Variants in CADPS observed in about 807,000 individuals in gnomAD.
The protein encoded by CADPS is calcium dependent secretion activator, also known as calcium-dependent secretion activator 1.
In CADPS, 57 loss-of-function variants were observed where a neutral mutation model predicts 167.3. That is an observed-to-expected ratio of 0.34 (90% CI 0.28 to 0.42). The LOEUF (loss-of-function observed/expected upper bound fraction) is 0.42. CADPS is among the 20% of genes least tolerant of loss of function. The probability of loss-of-function intolerance (pLI) is 1.00; values close to 1 mark genes in which losing one functional copy is unlikely to be tolerated. For synonymous variants in CADPS, 676 were observed against 635.3 expected, an observed-to-expected ratio of 1.06 and a Z score of -0.96; for missense variants, 1,414 against 1,738.1, an observed-to-expected ratio of 0.81 and a Z score of 3.32.
At chr3:62,604,591 A>G (rs1330670809) in intron 6 of CADPS, among the ~76,000 whole-genome samples, 2 of 152,260 alleles carry the variant, frequency 1.3e-5, no homozygotes, top group Non-Finnish European at 2.9e-5. Context: ...ACAGGATGGC[A>G]TAGTGAGGAA....
At chr3:62,584,436 C>T (rs2084123128) in intron 8 of CADPS, among the ~76,000 whole-genome samples, 1 of 152,194 alleles carries the variant, frequency 6.6e-6, no homozygotes, top group Non-Finnish European at 1.5e-5. Context: ...CAGTTGGCAG[C>T]GTACCTGCAG....
intron 18 of CADPS, among the ~76,000 whole-genome samples, chr3:62,493,957 T>C (rs2064182586): frequency 6.6e-6 from 1 of 152,224 alleles, no homozygotes. Flanking sequence ...GTGTAAACGT[T>C]TTTTAAGCAT....
chr3:62,637,945 C>A (rs74531243), intron 6 of CADPS, among the ~76,000 whole-genome samples: 1 of 152,010 alleles, frequency 6.6e-6, no homozygotes, highest in Admixed American at 6.6e-5. Flanking sequence ...ACTGAATCAA[C>A]GTTAATGATC....
At chr3:62,825,331 G>A (rs955874958) in intron 1 of CADPS, among the ~76,000 whole-genome samples, 3 of 152,022 alleles carry the variant, frequency 2.0e-5, no homozygotes, top group Non-Finnish European at 2.9e-5. Flanking sequence ...AATCATAAAC[G>A]GGATCCCAAA....
intron 21 of CADPS, among the ~76,000 whole-genome samples, chr3:62,485,045 C>A (rs962342396): frequency 2.6e-5 from 4 of 151,906 alleles, no homozygotes; most frequent in Admixed American, 2.6e-4. Context: ...ATCACCCTGC[C>A]CCACAACTTC....
At chr3:62,510,526 T>A (rs891134119) in intron 17 of CADPS, among the ~76,000 whole-genome samples, 1 of 152,182 alleles carries the variant, frequency 6.6e-6, no homozygotes, top group East Asian at 1.9e-4. Context: ...TTTTCTTTCA[T>A]AGACTAGCAG....
chr3:62,550,123 A>G lies in CADPS; in HGVS notation c.1754-8T>C, dbSNP rs376660491. ...CTCGGCCACCCTCCAAACCTGGAAG[A>G]AAAGGGAGTAACAACTTCTACTAAG... On this transcript the variant is annotated splice_polypyrimidine_tract_variant and splice_region_variant and intron_variant, in intron 10 of 29. Coordinates refer to ENST00000383710, the MANE Select transcript of CADPS (RefSeq NM_003716.4). 1.6e-5 allele frequency: 26 copies of G among 1,608,754 alleles called. No homozygotes were observed. Among genetic ancestry groups the G allele is most frequent in the Admixed American group, 3.3e-5 (2 of 59,984 alleles).
chr3:62,854,683 A>G (rs1031961962), intron 1 of CADPS, among the ~76,000 whole-genome samples: 2 of 152,224 alleles, frequency 1.3e-5, no homozygotes, highest in Admixed American at 6.5e-5. Context: ...GTAAGTAACA[A>G]GAAGTTCTAT....
chr3:62,659,861 C>T (rs1388180175), intron 4 of CADPS, among the ~76,000 whole-genome samples: 1 of 152,178 alleles, frequency 6.6e-6, no homozygotes, highest in African/African-American at 2.4e-5. Flanking sequence ...TCTGAAAGAA[C>T]AGGAGACAGT....
intron 22 of CADPS, among the ~76,000 whole-genome samples, chr3:62,479,683 G>A (rs1032513752): frequency 1.3e-5 from 2 of 152,244 alleles, no homozygotes; most frequent in Non-Finnish European, 2.9e-5. Flanking sequence ...TATCTGACAC[G>A]ATGGAGCAGG....
At chr3:62,474,061 G>A (rs2060946164) in intron 24 of CADPS, 112 bp downstream of exon 24, 1 of 687,498 alleles carries the variant, frequency 1.5e-6, no homozygotes, top group Non-Finnish European at 2.3e-6. Flanking sequence ...AAATGTTAGA[G>A]TGTATTTCTG....
intron 9 of CADPS, among the ~76,000 whole-genome samples, chr3:62,569,204 G>C (rs1043133699): frequency 3.3e-5 from 5 of 152,150 alleles, no homozygotes; most frequent in African/African-American, 1.2e-4. Flanking sequence ...TGGTTCAAGT[G>C]ATTCTTCTGC....
Position 62,557,386 on chromosome 3 carries a change from C to CT in CADPS, c.1753+18dup. The CT allele has an allele frequency of 6.3e-7, 1 of 1,578,118 alleles. No individual in the cohort carries two copies. The highest frequency in any genetic ancestry group is 8.7e-7 in the Non-Finnish European group (1 of 1,147,190). On this transcript the variant is annotated intron_variant, in intron 10 of 29. Transcript: ENST00000383710. ...GGTTGAGGGTTTGTGGGCTCGTGGC[C>CT]TTGAGGGTCGGTGGGTACCTGGCTG... is the stretch of plus-strand genomic sequence containing the variant.
chr3:62,498,860 G>T (rs902548797), intron 18 of CADPS, among the ~76,000 whole-genome samples: 7 of 128,078 alleles, frequency 5.5e-5, no homozygotes, highest in Non-Finnish European at 3.7e-5. Context: ...AATATTTTGT[G>T]TTCTGGACAA....
intron 1 of CADPS, among the ~76,000 whole-genome samples, chr3:62,867,801 T>G (rs980545888): frequency 6.6e-6 from 1 of 151,814 alleles, no homozygotes; most frequent in Non-Finnish European, 1.5e-5. Context: ...AGATATTATT[T>G]TAACAGCTTT....
chr3:62,657,810 T>G (rs765972251), intron 4 of CADPS, among the ~76,000 whole-genome samples: 1 of 152,024 alleles, frequency 6.6e-6, no homozygotes, highest in African/African-American at 2.4e-5. Flanking sequence ...CTCCCTTCCC[T>G]CCTAGGAAGA....
intron 1 of CADPS, among the ~76,000 whole-genome samples, chr3:62,845,901 T>G (rs905979171): frequency 5.3e-5 from 8 of 152,168 alleles, no homozygotes; most frequent in Non-Finnish European, 1.0e-4. Context: ...TGTCCCCACC[T>G]AAATCTGATG....
chr3:62,595,145 G>A (rs1348891883), intron 6 of CADPS, among the ~76,000 whole-genome samples: 1 of 152,058 alleles, frequency 6.6e-6, no homozygotes, highest in African/African-American at 2.4e-5. Context: ...AAGAAGACCA[G>A]AAAAATTGAG....
chr3:62,445,209 C>A (rs1461979724), intron 27 of CADPS, among the ~76,000 whole-genome samples: 1 of 152,132 alleles, frequency 6.6e-6, no homozygotes, highest in African/African-American at 2.4e-5. Flanking sequence ...TTAATGAGGC[C>A]TGCACTAAAT....
Sources: allele counts gnomAD v4.1 joint callset (sites outside exome capture counted in the v4.1 genomes callset), GRCh38; gene constraint gnomAD v4.1.1; transcripts MANE v1.5; gene names NCBI Gene and HGNC (gene_info 2026-07-23, HGNC 2026-07-21).